The following AGO2 variants were observed in gnomAD, a reference collection of about 807,000 sequenced individuals.
AGO2 encodes argonaute RISC catalytic component 2.
Under a neutral mutation model 102.3 loss-of-function variants are expected in AGO2, and 5 were observed. That is an observed-to-expected ratio of 0.05 (90% CI 0.03 to 0.10). The LOEUF (loss-of-function observed/expected upper bound fraction) is 0.10. Among genes scored for constraint, AGO2 ranks in the 10% least tolerant of loss-of-function variants. The probability of loss-of-function intolerance (pLI) is 1.00; values close to 1 mark genes in which losing one functional copy is unlikely to be tolerated. For missense variants in AGO2, 541 were observed against 1,183.7 expected (o/e 0.46, Z 7.97); for synonymous variants, 449 against 473.1 (o/e 0.95, Z 0.66).
At position 140,524,940 on chromosome 8, in the gene AGO2, C is replaced by G. The variant is rs1268912087; in HGVS notation, c.*7104G>C. The G allele has an allele frequency of 1.3e-5, 2 of 152,192 alleles. No homozygotes were observed. Among genetic ancestry groups the G allele is most frequent in the Non-Finnish European group, 2.9e-5 (2 of 68,044 alleles). The allele number at this position is 152,192 out of a possible 1,614,324, so 9.4% of individuals were successfully genotyped here. On this transcript the variant is annotated 3_prime_UTR_variant, in exon 19 of 19. Coordinates refer to ENST00000220592, the MANE Select transcript of AGO2 (RefSeq NM_012154.5). ...CCCCAACGTCCAGTTCCTGGAGACA[C>G]TTGGGGGAAAGAGTTAATATTTGGT...
At chr8:140,536,606 TGA>T (rs1178484892) in intron 16 of AGO2, among the ~76,000 whole-genome samples, 1 of 152,254 alleles carries the variant, frequency 6.6e-6, no homozygotes, top group African/African-American at 2.4e-5. Flanking sequence ...ATTACAGGCA[TGA>T]GCCAGCGCAT....
chr8:140,537,876 T>C (rs369311183), intron 16 of AGO2, among the ~76,000 whole-genome samples: 4 of 152,222 alleles, frequency 2.6e-5, no homozygotes, highest in African/African-American at 9.6e-5. Flanking sequence ...GGGAGTGCAG[T>C]AGCAAAATGT....
In AGO2 at chr8:140,551,276, C is replaced by T. The variant is rs376225991; in HGVS notation, c.1403+27G>A. The T allele has an allele frequency of 2.1e-5, 31 of 1,488,044 alleles. 1 individual carries two copies. Among genetic ancestry groups the T allele is most frequent in the Admixed American group, 1.2e-4 (6 of 48,782 alleles). The allele number at this position is 1,488,044 out of a possible 1,614,324, so 92.2% of individuals were successfully genotyped here. On this transcript the variant is annotated intron_variant, in intron 11 of 18. Transcript: ENST00000220592. ...TGCCCATCGGGCAGCACCCCCAGGCCGGAGCCTCTGCCTGTGGGGGGCTTA... is the reference window on the plus strand; with the variant it reads ...TGCCCATCGGGCAGCACCCCCAGGCTGGAGCCTCTGCCTGTGGGGGGCTTA...
chr8:140,560,719 G>C (rs949216710), intron 4 of AGO2, among the ~76,000 whole-genome samples: 4 of 152,228 alleles, frequency 2.6e-5, no homozygotes, highest in African/African-American at 9.6e-5. Flanking sequence ...TGGGGGACCC[G>C]TGGCCTCACT....
chr8:140,597,467 C>T (rs1471497906), intron 1 of AGO2, among the ~76,000 whole-genome samples: 1 of 14,908 alleles, frequency 6.7e-5, no homozygotes, highest in African/African-American at 1.9e-4. Flanking sequence ...GGCTGGGTGG[C>T]CCCCCCACCC....
intron 1 of AGO2, among the ~76,000 whole-genome samples, chr8:140,590,519 C>T (rs190830813): frequency 9.3e-4 from 142 of 152,170 alleles, no homozygotes; most frequent in African/African-American, 3.3e-3. Context: ...GGCCACAAAA[C>T]CTGTCCGAAA....
chr8:140,545,856 G>A lies in AGO2; in HGVS notation c.1749-1553C>T, dbSNP rs75689471. On this transcript the variant is annotated intron_variant, in intron 13 of 18. Coordinates refer to ENST00000220592, the MANE Select transcript of AGO2 (RefSeq NM_012154.5). ...CGGAGCCAGAGGTGGCCACACTGTC[G>A]GGTGCCTCCGACGGCCCCAGCTCAC... 1.5e-3 allele frequency among the ~76,000 whole-genome samples: 231 copies of A among 152,320 alleles called. 4 individuals are homozygous for A. In the East Asian group the frequency reaches 0.04, roughly 26 times the overall value.
intron 1 of AGO2, among the ~76,000 whole-genome samples, chr8:140,588,857 G>A (rs1226428984): frequency 6.6e-6 from 1 of 152,228 alleles, no homozygotes; most frequent in Non-Finnish European, 1.5e-5. Context: ...CCGGAACCCA[G>A]CGCAGCGTCA....
Position 140,585,232 on chromosome 8 carries a change from G to A in AGO2, c.102C>T (p.Ser34=), listed in dbSNP as rs781495805. 9.7e-5 allele frequency: 157 copies of A among 1,614,004 alleles called. No individual in the cohort carries two copies. Among genetic ancestry groups the A allele is most frequent in the Middle Eastern group, 6.6e-4 (4 of 6,084 alleles). The change falls in exon 2 of 19, where the codon TCC becomes TCT. Residue 34 remains serine (S), a synonymous_variant. Transcript: ENST00000220592. Reference sequence around the variant, plus strand: ...TGGCCTGTAATTTGATTGTTCTCCCGGAGGTCCCAAAGTCGGGTCTAGGTG... The same window carrying A: ...TGGCCTGTAATTTGATTGTTCTCCCAGAGGTCCCAAAGTCGGGTCTAGGTG... The part of the protein sequence containing the change: ...KPPPRPDFGT[S]GRTIKLQANF...
At chr8:140,608,039 T>C (rs927805211) in intron 1 of AGO2, among the ~76,000 whole-genome samples, 5 of 152,174 alleles carry the variant, frequency 3.3e-5, no homozygotes, top group African/African-American at 7.2e-5. Flanking sequence ...CTGTGGCCTT[T>C]GGTGAAGAAC....
intron 1 of AGO2, among the ~76,000 whole-genome samples, chr8:140,624,696 G>T (rs1275110059): frequency 1.3e-5 from 2 of 152,358 alleles, no homozygotes; most frequent in African/African-American, 4.8e-5. Context: ...TCCCCGGCTG[G>T]GAGGAAGGGT....
chr8:140,582,290 A>G (rs922260387), intron 2 of AGO2, among the ~76,000 whole-genome samples: 1 of 152,190 alleles, frequency 6.6e-6, no homozygotes, highest in African/African-American at 2.4e-5. Context: ...ACCCACATAT[A>G]CAGGTTGAGC....
At chr8:140,590,309 C>T (rs1399255197) in intron 1 of AGO2, among the ~76,000 whole-genome samples, 2 of 152,200 alleles carry the variant, frequency 1.3e-5, no homozygotes, top group East Asian at 3.9e-4. Flanking sequence ...GAGGACACAC[C>T]AAAAGTCAAA....
chr8:140,560,342 C>A (rs1039935856), intron 5 of AGO2, 32 bp downstream of exon 5: 1 of 1,606,556 alleles, frequency 6.2e-7, no homozygotes, highest in Middle Eastern at 1.7e-4. Context: ...CCCAACCCTG[C>A]CCTGCAGTGA....
In AGO2 at chr8:140,525,790, C is replaced by T. The variant is rs1401301919; in HGVS notation, c.*6254G>A. 6.6e-6 allele frequency: 1 copy of T among 152,116 alleles called. No individual in the cohort carries two copies. Among genetic ancestry groups the T allele is most frequent in the Admixed American group, 6.6e-5 (1 of 15,264 alleles). 9.4% of individuals were successfully genotyped at this position (152,116 alleles called of 1,614,324 possible). The stretch of plus-strand genomic sequence containing the variant: ...TCAAGATCGGGCAACATATGGAACC[C>T]AAAGAAAGAAGCGAAGGAGGCCCCG... On this transcript the variant is annotated 3_prime_UTR_variant, in exon 19 of 19. Transcript: ENST00000220592.
At chr8:140,563,291 T>A (rs534732851) in intron 3 of AGO2, among the ~76,000 whole-genome samples, 1 of 152,316 alleles carries the variant, frequency 6.6e-6, no homozygotes, top group South Asian at 2.1e-4. Context: ...AGTGCAGTGG[T>A]GCAGTATTGG....
intron 17 of AGO2, 39 bp from the exon 18 acceptor site, chr8:140,532,654 A>C: frequency 6.3e-7 from 1 of 1,582,694 alleles, no homozygotes; most frequent in Non-Finnish European, 8.7e-7. Context: ...GGACTCGCAT[A>C]AAATCTTTAA....
intron 3 of AGO2, among the ~76,000 whole-genome samples, chr8:140,566,033 C>CAA (rs112182891): frequency 1.6e-5 from 2 of 126,278 alleles, no homozygotes; most frequent in South Asian, 5.1e-4. Context: ...GAAATTGTTT[C>CAA]AAAAAAAAAA....
chr8:140,573,005 C>T lies in AGO2; in HGVS notation c.216-73G>A, dbSNP rs571209999. 2.1e-4 allele frequency: 306 copies of T among 1,467,396 alleles called. 2 individuals are homozygous for T. The African/African-American group carries it at 3.8e-3, about 18-fold the overall frequency. The allele number at this position is 1,467,396 out of a possible 1,614,324, so 90.9% of individuals were successfully genotyped here. On this transcript the variant is annotated intron_variant, in intron 2 of 18. Transcript: ENST00000220592. The stretch of plus-strand genomic sequence containing the variant: ...ATGGCATACAAGGACATTTTTCTGA[C>T]GCTATTTTTTTTTTTTTTTTTGAGA...
Sources: gnomAD v4.1 joint callset for allele counts (sites outside exome capture counted in the v4.1 genomes callset) on GRCh38, gnomAD v4.1.1 for gene constraint, MANE v1.5 for transcripts, NCBI Gene and HGNC (gene_info 2026-07-23, HGNC 2026-07-21) for gene names.